Variants in FSTL4 observed in about 807,000 individuals in gnomAD.
FSTL4 encodes the protein follistatin like 4.
In FSTL4, 28 loss-of-function variants were observed where a neutral mutation model predicts 78.2. The ratio of observed to expected loss-of-function variants is 0.36; its 90% CI spans 0.27 to 0.49. FSTL4 has a LOEUF of 0.49. Among genes scored for constraint, FSTL4 ranks in the 20% least tolerant of loss-of-function variants. FSTL4 has a pLI of 0.98. For missense variants in FSTL4, 922 were observed against 1,084.9 expected (o/e 0.85, Z 2.11); for synonymous variants, 422 against 440.5 (o/e 0.96, Z 0.53).
At chr5:133,830,912 C>T in the FSTL4 span, among the ~76,000 whole-genome samples, 2 of 152,164 alleles carry the variant, frequency 1.3e-5, no homozygotes, top group Non-Finnish European at 2.9e-5. Flanking sequence ...GAACAGATCA[C>T]CTCTGAGCCT....
rs972789472 is a variant in FSTL4 at position 133,611,992 on chromosome 5, G to A, written c.-11+333C>T. On this transcript the variant is annotated intron_variant, in intron 1 of 15. Coordinates refer to ENST00000265342, the MANE Select transcript of FSTL4 (RefSeq NM_015082.2). The surrounding 1 kb of genome is among the most constrained non-coding windows in gnomAD (Gnocchi z 4.9). ...CGGGCGCGAGCTGCGGGCTCGGCCC[G>A]AGCGCTTCTGCGTGGCGCCCCGCGT... Among the ~76,000 whole-genome samples, 1 of 151,954 alleles carries A rather than the reference G, an allele frequency of 6.6e-6. No homozygotes were observed. Among genetic ancestry groups the A allele is most frequent in the Non-Finnish European group, 1.5e-5 (1 of 67,934 alleles).
chr5:133,642,297 A>G, the FSTL4 span, among the ~76,000 whole-genome samples: 1 of 152,142 alleles, frequency 6.6e-6, no homozygotes, highest in African/African-American at 2.4e-5. Context: ...TCCCCAACAG[A>G]GCCAAGCACT....
At chr5:133,788,816 T>C in the FSTL4 span, among the ~76,000 whole-genome samples, 8 of 152,312 alleles carry the variant, frequency 5.3e-5, no homozygotes, top group East Asian at 1.5e-3. Flanking sequence ...TTATGCGGTT[T>C]CCTCACACAG....
chr5:133,377,749 TA>T (rs1755470951), intron 4 of FSTL4, among the ~76,000 whole-genome samples: 1 of 152,116 alleles, frequency 6.6e-6, no homozygotes, highest in South Asian at 2.1e-4. Context: ...GATTAATGGC[TA>T]AAAACTTCCT....
intron 3 of FSTL4, among the ~76,000 whole-genome samples, chr5:133,510,047 G>A (rs1758694249): frequency 6.6e-6 from 1 of 152,220 alleles, no homozygotes; most frequent in South Asian, 2.1e-4. Context: ...CTGTATGCTA[G>A]GCCCTGTGCC....
chr5:133,199,803 A>G lies in FSTL4; in HGVS notation c.1827-6T>C. The G allele has an allele frequency of 6.6e-7, 1 of 1,517,696 alleles. No homozygotes were observed. The highest frequency in any genetic ancestry group is 2.0e-5 in the Admixed American group (1 of 50,314). 94.0% of individuals were successfully genotyped at this position (1,517,696 alleles called of 1,614,324 possible). On this transcript the variant is annotated splice_polypyrimidine_tract_variant and splice_region_variant and intron_variant, in intron 15 of 15. Coordinates refer to ENST00000265342, the MANE Select transcript of FSTL4 (RefSeq NM_015082.2). This position sits in a 1 kb window ranked among gnomAD's most constrained non-coding sequence, Gnocchi z 4.4. ...TGTTGAAGATGAAGCCAAACCTGGGAGGGGAAGAACTGAGGTCAGAAGTTG... is the reference window on the plus strand; with the variant it reads ...TGTTGAAGATGAAGCCAAACCTGGGGGGGGAAGAACTGAGGTCAGAAGTTG...
chr5:133,798,699 T>C, the FSTL4 span, among the ~76,000 whole-genome samples: 23 of 151,982 alleles, frequency 1.5e-4, no homozygotes, highest in South Asian at 4.6e-3. Flanking sequence ...ACCGAGAACA[T>C]CAAGGGACAA....
chr5:133,781,365 TTGTGTGTGTGTGTGTGTGTGTGTG>T, the FSTL4 span, among the ~76,000 whole-genome samples: 9 of 143,304 alleles, frequency 6.3e-5, no homozygotes, highest in African/African-American at 1.3e-4. Flanking sequence ...TGTTAAGCGG[TTGTGTGTGTGTGTGTGTGTGTGTG>T]TGTGTGTGTG....
chr5:133,416,717 G>A (rs540765452), intron 3 of FSTL4, among the ~76,000 whole-genome samples: 1 of 152,276 alleles, frequency 6.6e-6, no homozygotes, highest in East Asian at 1.9e-4. Context: ...CTTGCCAAAA[G>A]TTCATGAAGA....
At chr5:133,837,904 T>G in the FSTL4 span, among the ~76,000 whole-genome samples, 1 of 151,990 alleles carries the variant, frequency 6.6e-6, no homozygotes, top group Non-Finnish European at 1.5e-5. Context: ...TATATATATT[T>G]TAGGACAGAG....
At chr5:133,660,217 C>A in the FSTL4 span, among the ~76,000 whole-genome samples, 5 of 152,162 alleles carry the variant, frequency 3.3e-5, no homozygotes, top group Non-Finnish European at 7.3e-5. Flanking sequence ...GGCCTGGAGA[C>A]AAAGCAGTGA....
At chr5:133,811,016 A>G in the FSTL4 span, among the ~76,000 whole-genome samples, 1 of 152,186 alleles carries the variant, frequency 6.6e-6, no homozygotes, top group Non-Finnish European at 1.5e-5. Flanking sequence ...AAACCTTACC[A>G]GGGGCTCCCA....
chr5:133,788,124 GC>G, the FSTL4 span, among the ~76,000 whole-genome samples: 181 of 152,264 alleles, frequency 1.2e-3, 2 homozygotes, highest in Non-Finnish European at 2.9e-5. Flanking sequence ...TATCCCCAGC[GC>G]CCAGCCCAGG....
At chr5:133,328,370 T>C (rs1754266542) in intron 4 of FSTL4, among the ~76,000 whole-genome samples, 1 of 152,234 alleles carries the variant, frequency 6.6e-6, no homozygotes, top group Admixed American at 6.5e-5. Context: ...TGCTATACAA[T>C]CTGCTGTCTG....
chr5:133,834,661 A>T, the FSTL4 span, among the ~76,000 whole-genome samples: 1 of 152,164 alleles, frequency 6.6e-6, no homozygotes, highest in Non-Finnish European at 1.5e-5. Context: ...TCTACTTTTC[A>T]TTTTCCATAT....
At chr5:133,552,767 G>T (rs1207378148) in intron 3 of FSTL4, among the ~76,000 whole-genome samples, 2 of 152,162 alleles carry the variant, frequency 1.3e-5, no homozygotes, top group Non-Finnish European at 2.9e-5. Flanking sequence ...GACAGGCTTG[G>T]TGAGTTTCCA....
chr5:133,316,674 T>G (rs1327763440), intron 4 of FSTL4, 22 bp from the exon 5 acceptor site: 4 of 1,589,098 alleles, frequency 2.5e-6, no homozygotes, highest in Admixed American at 3.4e-5. Flanking sequence ...GGTGAGGTTA[T>G]TATTTTGAGA....
intron 6 of FSTL4, among the ~76,000 whole-genome samples, chr5:133,265,028 A>G (rs58764569): frequency 0.039 from 5,998 of 152,162 alleles, 403 homozygotes; most frequent in African/African-American, 0.13. Flanking sequence ...CTGAAGCCAC[A>G]CTTTTCTCTT....
At chr5:133,779,844 G>A in the FSTL4 span, among the ~76,000 whole-genome samples, 2 of 152,208 alleles carry the variant, frequency 1.3e-5, no homozygotes, top group African/African-American at 4.8e-5. Context: ...AGGTTTCCCA[G>A]AAGAAGAACC....
Sources: gnomAD v4.1 joint callset for allele counts (sites outside exome capture counted in the v4.1 genomes callset) on GRCh38, gnomAD v4.1.1 for gene constraint, Gnocchi (gnomAD v3.1) non-coding constraint, MANE v1.5 for transcripts, NCBI Gene and HGNC (gene_info 2026-07-23, HGNC 2026-07-21) for gene names.